Variants in TNS4 observed in about 807,000 individuals in gnomAD.
The protein encoded by TNS4 is tensin-4.
In TNS4, 46 loss-of-function variants were observed where a neutral mutation model predicts 70.4. That is an observed-to-expected ratio of 0.65 (90% CI 0.52 to 0.84). The LOEUF (loss-of-function observed/expected upper bound fraction) is 0.84. Ranked by LOEUF, TNS4 falls within the 40% of genes least tolerant of loss-of-function variation. The probability of loss-of-function intolerance (pLI) is 0.00; values close to 1 mark genes in which losing one functional copy is unlikely to be tolerated. For synonymous variants in TNS4, 390 were observed against 366.6 expected (o/e 1.06, Z -0.73); for missense variants, 863 against 907.0 (o/e 0.95, Z 0.62).
chr17:40,497,129 G>A (rs962982351), intron 1 of TNS4, among the ~76,000 whole-genome samples: 4 of 152,174 alleles, frequency 2.6e-5, no homozygotes, highest in African/African-American at 9.7e-5. Flanking sequence ...AAGTAAGTGG[G>A]TGAACAACTG....
intron 12 of TNS4, chr17:40,477,939 G>T: frequency 1.6e-6 from 1 of 610,476 alleles, no homozygotes; most frequent in South Asian, 2.0e-5. Flanking sequence ...TCAAGCTCTG[G>T]GTTTCCTTTG....
At chr17:40,481,885 G>A (rs1236313508) in intron 8 of TNS4, among the ~76,000 whole-genome samples, 6 of 152,184 alleles carry the variant, frequency 3.9e-5, no homozygotes, top group Admixed American at 3.3e-4. Context: ...AGCCTTGCCC[G>A]GGCTATCTCT....
rs1185048577 is a variant in TNS4 at position 40,476,375 on chromosome 17, T to C, written c.*1213A>G. The C allele has an allele frequency of 1.4e-4, 8 of 57,356 alleles. No individual in the cohort carries two copies. The highest frequency in any genetic ancestry group is 2.4e-4 in the African/African-American group (2 of 8,484). 3.6% of individuals were successfully genotyped at this position (57,356 alleles called of 1,614,324 possible). A position where few individuals can be genotyped will look rare whatever the true frequency, so the allele number is the denominator to read the frequency against. On this transcript the variant is annotated 3_prime_UTR_variant, in exon 13 of 13. Coordinates refer to ENST00000254051, the MANE Select transcript of TNS4 (RefSeq NM_032865.6). ...CCACATAGCAGTAGAGGGGCGTGTG[T>C]GTGTGTGTGTGTGTGTGTGTGTGTG...
intron 1 of TNS4, among the ~76,000 whole-genome samples, chr17:40,499,652 G>A (rs528735438): frequency 5.3e-5 from 8 of 152,338 alleles, no homozygotes; most frequent in Middle Eastern, 6.8e-3. Context: ...GGGGCATCCC[G>A]GGCACGGGAA....
At chr17:40,486,733 C>A (rs917758950) in intron 4 of TNS4, among the ~76,000 whole-genome samples, 3 of 152,176 alleles carry the variant, frequency 2.0e-5, no homozygotes, top group African/African-American at 7.2e-5. Context: ...ACTTCTGATC[C>A]ATTTCCCAGA....
In TNS4 at chr17:40,479,859, C is replaced by G; in HGVS notation, c.1742-17G>C. On this transcript the variant is annotated splice_polypyrimidine_tract_variant and intron_variant, in intron 9 of 12. Coordinates refer to ENST00000254051, the MANE Select transcript of TNS4 (RefSeq NM_032865.6). ...TGTGGCAGCCTGTGGGAGGCAGACA[C>G]TGCGCTGGGGCCACTGACCCAGGGC... 6.2e-7 allele frequency: 1 copy of G among 1,600,096 alleles called. No homozygotes were observed. Among genetic ancestry groups the G allele is most frequent in the Non-Finnish European group, 8.5e-7 (1 of 1,173,758 alleles).
At chr17:40,486,053 C>G (rs1187792615) in intron 4 of TNS4, among the ~76,000 whole-genome samples, 1 of 152,036 alleles carries the variant, frequency 6.6e-6, no homozygotes, top group African/African-American at 2.4e-5. Context: ...GCTGAGAAGC[C>G]CCCCGATGGC....
intron 8 of TNS4, 130 bp from the exon 9 acceptor site, chr17:40,480,898 T>A: frequency 9.5e-7 from 1 of 1,054,346 alleles, no homozygotes; most frequent in Non-Finnish European, 1.4e-6. Context: ...AGGAAGTGAC[T>A]CAAACCAGGT....
At position 40,487,189 on chromosome 17, in the gene TNS4, C is replaced by T. The variant is rs144692706; in HGVS notation, c.1135G>A (p.Gly379Ser). The stretch of plus-strand genomic sequence containing the variant: ...GGAGAAGACCCTGGTTCTGGGCAGC[C>T]GTTGATCAGCACAATGGGTATGTCC... ...MVDIPIVLIN[G>S]CPEPGSSPPQ... Residue 379 changes from glycine (G) to serine (S), a missense_variant, in exon 4 of 13, where the codon GGC (glycine) becomes AGC (serine). Coordinates refer to ENST00000254051, the MANE Select transcript of TNS4 (RefSeq NM_032865.6). 0.011 allele frequency: 18,068 copies of T among 1,614,038 alleles called. 140 individuals are homozygous for T. Among genetic ancestry groups the T allele is most frequent in the Non-Finnish European group, 0.014 (16,057 of 1,180,026 alleles).
Position 40,487,429 on chromosome 17 carries a change from T to C in TNS4, c.895A>G (p.Ser299Gly). ...SQSLLHSSNS[S>G]HQSSSRSLES... is the part of the protein sequence containing the mutation. ...AAGGATCTGGAAGATGACTGATGGC[T>C]GGAGTTGCTGGAGTGCAGGAGGGAC... The change falls in exon 4 of 13, where the codon AGC becomes GGC. Residue 299 changes from serine to glycine, a missense_variant. Physicochemically the swap from Ser to Gly is moderately conservative, Grantham distance 56 (BLOSUM62 0). Coordinates refer to ENST00000254051, the MANE Select transcript of TNS4 (RefSeq NM_032865.6). 1 of 1,611,758 alleles carries C rather than the reference T, an allele frequency of 6.2e-7. No homozygotes were observed. The highest frequency in any genetic ancestry group is 1.1e-5 in the South Asian group (1 of 90,902).
chr17:40,496,337 G>A lies in TNS4; in HGVS notation c.89C>T (p.Pro30Leu). The change falls in exon 2 of 13, where the codon CCA becomes CTA. Residue 30 changes from proline to leucine, a missense_variant. By Grantham distance (98) the Pro-to-Leu change is moderately conservative. Coordinates refer to ENST00000254051, the MANE Select transcript of TNS4 (RefSeq NM_032865.6). The stretch of plus-strand genomic sequence containing the variant: ...GGGTGGCAGGCTGGGGCTGGGTGCT[G>A]GGTGCAGGGTCCTCCTGGGCTCATC... ...PCDEPRRTLH[P>L]APSPSLPPQC... is the part of the protein sequence containing the mutation. 2 of 1,613,582 alleles carry A rather than the reference G, an allele frequency of 1.2e-6. No homozygotes were observed. Among genetic ancestry groups the A allele is most frequent in the Middle Eastern group, 1.7e-4 (1 of 5,756 alleles).
At chr17:40,491,469 A>G (rs542944051) in intron 2 of TNS4, among the ~76,000 whole-genome samples, 1 of 152,262 alleles carries the variant, frequency 6.6e-6, no homozygotes, top group East Asian at 1.9e-4. Flanking sequence ...AGTGTTGTTG[A>G]GCTCTGTTTA....
At chr17:40,484,780 G>T (rs548992649) in intron 5 of TNS4, 141 bp downstream of exon 5, 43 of 1,349,938 alleles carry the variant, frequency 3.2e-5, no homozygotes. Flanking sequence ...TCCTCGGGAG[G>T]TCATGAGGTC....
At chr17:40,491,752 T>C (rs1365887287) in intron 2 of TNS4, among the ~76,000 whole-genome samples, 2 of 152,142 alleles carry the variant, frequency 1.3e-5, no homozygotes, top group Non-Finnish European at 2.9e-5. Context: ...AGGGGTGCAG[T>C]CGCTGTTTAC....
chr17:40,497,551 C>T (rs144128957), intron 1 of TNS4, among the ~76,000 whole-genome samples: 233 of 152,226 alleles, frequency 1.5e-3, no homozygotes, highest in African/African-American at 5.1e-3. Context: ...TGCAGTGAGC[C>T]GAGATCGAGC....
chr17:40,487,401 T>C lies in TNS4; in HGVS notation c.923A>G (p.Glu308Gly). 7 of 1,613,922 alleles carry C rather than the reference T, an allele frequency of 4.3e-6. No individual in the cohort carries two copies. Among genetic ancestry groups the C allele is most frequent in the Non-Finnish European group, 5.9e-6 (7 of 1,179,910 alleles). ...SSHQSSSRSL[E>G]SPANSSSSLH... is the part of the protein sequence containing the mutation. Reference sequence around the variant, plus strand: ...GCTGGAGGAAGAGTTGGCTGGACTTTCCAAGGATCTGGAAGATGACTGATG... The same window carrying C: ...GCTGGAGGAAGAGTTGGCTGGACTTCCCAAGGATCTGGAAGATGACTGATG... The change falls in exon 4 of 13, where the codon GAA becomes GGA. Residue 308 changes from glutamate to glycine, a missense_variant. Physicochemically the swap from Glu to Gly is moderately conservative, Grantham distance 98. Coordinates refer to ENST00000254051, the MANE Select transcript of TNS4 (RefSeq NM_032865.6).
chr17:40,492,198 AG>A (rs1484108804), intron 2 of TNS4, among the ~76,000 whole-genome samples: 2 of 152,140 alleles, frequency 1.3e-5, no homozygotes. Flanking sequence ...AAAGAGAGAA[AG>A]GACAGTGGCC....
At chr17:40,484,435 C>A (rs757391698) in intron 6 of TNS4, 49 bp downstream of exon 6, 2 of 1,596,412 alleles carry the variant, frequency 1.3e-6, no homozygotes, top group Non-Finnish European at 1.7e-6. Flanking sequence ...ACCTACCACA[C>A]CCCGCTGCCT....
intron 4 of TNS4, 84 bp downstream of exon 4, chr17:40,486,952 G>C: frequency 6.6e-7 from 1 of 1,523,914 alleles, no homozygotes; most frequent in Non-Finnish European, 9.0e-7. Flanking sequence ...CAATAAATGT[G>C]TTGACTGGCT....
Sources: gnomAD v4.1 joint callset for allele counts (sites outside exome capture counted in the v4.1 genomes callset) on GRCh38, gnomAD v4.1.1 for gene constraint, MANE v1.5 for transcripts, NCBI Gene and HGNC (gene_info 2026-07-23, HGNC 2026-07-21) for gene names.